The following ASB3 variants were observed in gnomAD, a reference collection of about 807,000 sequenced individuals.
ASB3 encodes the protein ankyrin repeat and SOCS box containing 3.
ASB3 carries 41 observed loss-of-function variants against 54.5 expected under a neutral mutation model. The ratio of observed to expected loss-of-function variants is 0.75; its 90% confidence interval spans 0.59 to 0.98. The LOEUF is 0.98. Among genes scored for constraint, ASB3 ranks in the 50% least tolerant of loss-of-function variants. The pLI, the probability that ASB3 is intolerant of heterozygous loss-of-function variation, is 0.00. For missense variants in ASB3, 733 were observed against 620.0 expected, an observed-to-expected ratio of 1.18 and a Z score of -1.94; for synonymous variants, 266 against 221.2, an observed-to-expected ratio of 1.20 and a Z score of -1.80.
chr2:53,718,078 G>A (rs889730290), intron 5 of ASB3, among the ~76,000 whole-genome samples: 4 of 152,152 alleles, frequency 2.6e-5, no homozygotes, highest in Non-Finnish European at 4.4e-5. Flanking sequence ...GTATTCCTGA[G>A]AGAGAAGGAG....
chr2:53,709,475 A>G (rs1003943775), intron 7 of ASB3, among the ~76,000 whole-genome samples: 6 of 152,182 alleles, frequency 3.9e-5, no homozygotes, highest in Non-Finnish European at 8.8e-5. Context: ...TACCAGAAAG[A>G]GGAGGGAAGG....
chr2:53,760,112 T>C (rs965861679), intron 2 of ASB3, among the ~76,000 whole-genome samples: 2 of 152,146 alleles, frequency 1.3e-5, no homozygotes, highest in Non-Finnish European at 2.9e-5. Context: ...TTTCTAATTA[T>C]GCCTGAAAGC....
At chr2:53,683,901 CTGTT>C (rs1259683684) in intron 9 of ASB3, among the ~76,000 whole-genome samples, 2 of 152,098 alleles carry the variant, frequency 1.3e-5, no homozygotes, top group African/African-American at 2.4e-5. Flanking sequence ...AAGAAACCAA[CTGTT>C]TGTTTCATTG....
At chr2:53,696,019 C>T (rs1482062016) in intron 8 of ASB3, among the ~76,000 whole-genome samples, 2 of 152,128 alleles carry the variant, frequency 1.3e-5, no homozygotes, top group African/African-American at 4.8e-5. Context: ...CTTATAATAG[C>T]TCTTTGAATG....
chr2:53,675,186 GA>G (rs2103633060), intron 9 of ASB3, among the ~76,000 whole-genome samples: 1 of 152,236 alleles, frequency 6.6e-6, no homozygotes, highest in East Asian at 1.9e-4. Context: ...TTCATAAAGT[GA>G]AACACCACAC....
At chr2:53,701,548 C>A (rs899029201) in intron 7 of ASB3, among the ~76,000 whole-genome samples, 3 of 152,106 alleles carry the variant, frequency 2.0e-5, no homozygotes, top group Admixed American at 1.3e-4. Context: ...AGAGCCAGAT[C>A]TATGTTTTCC....
At chr2:53,685,144 T>G (rs1018713368) in intron 9 of ASB3, among the ~76,000 whole-genome samples, 12 of 152,160 alleles carry the variant, frequency 7.9e-5, no homozygotes, top group African/African-American at 2.7e-4. Context: ...TCTTTTACAT[T>G]CTCTTTTTTA....
rs534928891 is a variant in ASB3 at position 53,767,572 on chromosome 2, G to C, written c.-13-1987C>G. 5.6e-5 allele frequency: 15 copies of C among 267,934 alleles called. No individual in the cohort carries two copies. The East Asian group carries it at 1.2e-3, about 22-fold the overall frequency. 16.6% of individuals were successfully genotyped at this position (267,934 alleles called of 1,614,324 possible). A position where few individuals can be genotyped will look rare whatever the true frequency, so the allele number is the denominator to read the frequency against. On this transcript the variant is annotated intron_variant, in intron 1 of 9. Transcript: ENST00000263634. Reference sequence around the variant, plus strand: ...GAGCCAAATAGCTCCAAAAAGCATTGTGGGTATTGTAGTTTTCTGCACACG... The same window carrying C: ...GAGCCAAATAGCTCCAAAAAGCATTCTGGGTATTGTAGTTTTCTGCACACG...
chr2:53,726,536 C>T (rs1558541837), intron 5 of ASB3, among the ~76,000 whole-genome samples: 1 of 151,554 alleles, frequency 6.6e-6, no homozygotes, highest in Non-Finnish European at 1.5e-5. Context: ...GTTGGGATTA[C>T]AGGCATGAGG....
chr2:53,708,559 G>A (rs1209600144), intron 7 of ASB3, among the ~76,000 whole-genome samples: 1 of 152,234 alleles, frequency 6.6e-6, no homozygotes, highest in Non-Finnish European at 1.5e-5. Flanking sequence ...GAGAGTGGAA[G>A]AGTTTGGAGG....
intron 3 of ASB3, among the ~76,000 whole-genome samples, chr2:53,731,535 T>C (rs1558545757): frequency 6.6e-6 from 1 of 152,166 alleles, no homozygotes; most frequent in Non-Finnish European, 1.5e-5. Context: ...TTCAAAAGCA[T>C]TTACCATGGA....
In ASB3 at chr2:53,765,605, G is replaced by A. The variant is rs1242601191; in HGVS notation, c.-13-20C>T. ...ACCAGTCTACAAAACAAGGTAGAAG[G>A]ATAATACTATAGTCAATAAAACAAC... On this transcript the variant is annotated intron_variant, in intron 1 of 9. Transcript: ENST00000263634. 5 of 1,613,910 alleles carry A rather than the reference G, an allele frequency of 3.1e-6. No homozygotes were observed. In the South Asian group the frequency reaches 4.4e-5, roughly 14 times the overall value.
At chr2:53,704,030 G>A (rs978959681) in intron 7 of ASB3, among the ~76,000 whole-genome samples, 1 of 152,064 alleles carries the variant, frequency 6.6e-6, no homozygotes, top group African/African-American at 2.4e-5. Flanking sequence ...TCTTATAACT[G>A]GTAAAAGTGA....
intron 3 of ASB3, among the ~76,000 whole-genome samples, chr2:53,741,915 C>T (rs1000629492): frequency 6.6e-6 from 1 of 152,062 alleles, no homozygotes; most frequent in Non-Finnish European, 1.5e-5. Flanking sequence ...AAAAGAATGA[C>T]GATCAATCCT....
intron 3 of ASB3, among the ~76,000 whole-genome samples, chr2:53,735,154 C>T (rs1370406826): frequency 6.6e-6 from 1 of 151,914 alleles, no homozygotes; most frequent in East Asian, 1.9e-4. Context: ...TCCTGACCTC[C>T]AGTGACTAGC....
chr2:53,676,527 A>G (rs1332439012), intron 9 of ASB3, among the ~76,000 whole-genome samples: 1 of 152,214 alleles, frequency 6.6e-6, no homozygotes, highest in Non-Finnish European at 1.5e-5. Context: ...GGAGCTGAAA[A>G]ATTATTATTA....
chr2:53,681,360 A>C (rs79422088), intron 9 of ASB3, among the ~76,000 whole-genome samples: 1,685 of 152,232 alleles, frequency 0.011, 28 homozygotes, highest in African/African-American at 0.039. Context: ...TGTGCATCAG[A>C]AACTTTTAAA....
chr2:53,697,170 G>A (rs770357479), intron 8 of ASB3, among the ~76,000 whole-genome samples: 11 of 152,174 alleles, frequency 7.2e-5, no homozygotes, highest in Non-Finnish European at 1.6e-4. Context: ...GCATTAGCAT[G>A]CTAGAAGACA....
intron 5 of ASB3, among the ~76,000 whole-genome samples, chr2:53,721,448 A>G (rs1670707802): frequency 6.7e-6 from 1 of 150,260 alleles, no homozygotes; most frequent in Non-Finnish European, 1.5e-5. Context: ...GTGTGTGCCT[A>G]TAGTCCCAGC....
Sources: gnomAD v4.1 joint callset for allele counts (sites outside exome capture counted in the v4.1 genomes callset) on GRCh38, gnomAD v4.1.1 for gene constraint, MANE v1.5 for transcripts, NCBI Gene and HGNC (gene_info 2026-07-23, HGNC 2026-07-21) for gene names.